PPRC1: variants seen among roughly 807,000 people sequenced by gnomAD.
PPRC1 encodes PPARG related coactivator 1, also known as peroxisome proliferator-activated receptor gamma coactivator-related protein 1.
In PPRC1, 23 loss-of-function variants were observed where a neutral mutation model predicts 132.5. The observed-to-expected ratio is 0.17, with a 90% CI of 0.12 to 0.25. The LOEUF (loss-of-function observed/expected upper bound fraction) is 0.25. Ranked by LOEUF, PPRC1 falls within the 10% of genes least tolerant of loss-of-function variation. The pLI, the probability that PPRC1 is intolerant of heterozygous loss-of-function variation, is 1.00. For synonymous variants in PPRC1, 872 were observed against 833.5 expected (o/e 1.05, Z -0.80); for missense variants, 2,006 against 2,089.1 (o/e 0.96, Z 0.78).
Position 102,141,326 on chromosome 10 carries a change from C to G in PPRC1, c.2818C>G (p.Pro940Ala), listed in dbSNP as rs767991832. 23 of 1,613,986 alleles carry G rather than the reference C, an allele frequency of 1.4e-5. 1 individual carries two copies. The Middle Eastern group carries it at 1.2e-3, about 81-fold the overall frequency. Residue 940 changes from proline (P) to alanine (A), a missense_variant, in exon 5 of 14, where the codon CCA becomes GCA. Coordinates refer to ENST00000278070, the MANE Select transcript of PPRC1 (RefSeq NM_015062.5). ...SPSGYPCLPP[P>A]PTVPLVSGTP... ...TTCTGGCTATCCTTGCCTGCCCCCC[C>G]CACCAACGGTGCCCCTAGTGTCTGG...
rs1277123902 is a variant in PPRC1, at chr10:102,141,984, A to G, written c.3476A>G (p.Gln1159Arg). 1 of 1,611,504 alleles carries G rather than the reference A, an allele frequency of 6.2e-7. No individual in the cohort carries two copies. The highest frequency in any genetic ancestry group is 8.5e-7 in the Non-Finnish European group (1 of 1,178,370). The change falls in exon 5 of 14, where the codon CAG becomes CGG. Residue 1159 changes from glutamine (Q) to arginine (R), a missense_variant. This residue lies in a region of PPRC1 where 1,914 missense variants were observed against 1,917.2 expected (regional missense o/e 1.00). Coordinates refer to ENST00000278070, the MANE Select transcript of PPRC1 (RefSeq NM_015062.5). ...PRTQGSEDVV[Q>R]AFISEIGIEA... ...ACTCAGGGTTCTGAAGATGTGGTAC[A>G]GGCTTTCATCAGTGAGATTGGTGAG...
chr10:102,123,881 C>T, the PPRC1 span, among the ~76,000 whole-genome samples: 1 of 128,330 alleles, frequency 7.8e-6, no homozygotes, highest in South Asian at 2.6e-4. Context: ...GCTCTTGTTG[C>T]CCAGGCTGGA....
chr10:102,121,410 G>T, the PPRC1 span, among the ~76,000 whole-genome samples: 1 of 152,160 alleles, frequency 6.6e-6, no homozygotes, highest in Non-Finnish European at 1.5e-5. Context: ...GGCAGAGGCT[G>T]TGGGCCGTGG....
At chr10:102,137,663 A>G (rs1251482003) in intron 1 of PPRC1, among the ~76,000 whole-genome samples, 187 bp from the exon 2 acceptor site, 2 of 152,016 alleles carry the variant, frequency 1.3e-5, no homozygotes, top group African/African-American at 4.8e-5. Flanking sequence ...GTCCCTGAAA[A>G]CTGCCATCCT....
chr10:102,123,898 T>C, the PPRC1 span, among the ~76,000 whole-genome samples: 2 of 135,710 alleles, frequency 1.5e-5, no homozygotes, highest in Non-Finnish European at 3.1e-5. Context: ...TGGAGTGCAA[T>C]GGCGCAATTT....
chr10:102,148,909 G>A lies in PPRC1; in HGVS notation c.4710G>A (p.Glu1570=). The A allele has an allele frequency of 1.2e-6, 2 of 1,614,228 alleles. No homozygotes were observed. Among genetic ancestry groups the A allele is most frequent in the East Asian group, 2.2e-5 (1 of 44,886 alleles). ...GGTTCTCCGTTTTTGGAGAGATTGA[G>A]GAGTGCACCATCCACTTCCGTGTCC... is the stretch of plus-strand genomic sequence containing the variant. The part of the protein sequence containing the change: ...KQRFSVFGEI[E]ECTIHFRVQG... The change falls in exon 12 of 14, where the codon GAG becomes GAA. Residue 1570 remains glutamate, a synonymous_variant. Coordinates refer to ENST00000278070, the MANE Select transcript of PPRC1 (RefSeq NM_015062.5). The surrounding 1 kb of genome is among the most constrained non-coding windows in gnomAD (Gnocchi z 4.2).
chr10:102,135,727 G>A (rs1564930364), intron 1 of PPRC1, among the ~76,000 whole-genome samples: 1 of 152,202 alleles, frequency 6.6e-6, no homozygotes, highest in Non-Finnish European at 1.5e-5. Context: ...GCAGTAAAAT[G>A]CCATTGAAGG....
rs2068578599 is a variant in PPRC1 at position 102,133,075 on chromosome 10, GCGCGCCGGGGACGGAGAGACGGAGT to G, written c.15_39del (p.Gly6ProfsTer33). On this transcript the variant is annotated frameshift_variant, in exon 1 of 14. Coordinates refer to ENST00000278070, the MANE Select transcript of PPRC1 (RefSeq NM_015062.5). LOFTEE classifies it high-confidence loss of function. ...TGGGTGTTCAGGGGCCAAGATGGCG[GCGCGCCGGGGACGGAGAGACGGAGT>G]CGCGCCGCCCCCGAGTGGGGGCCCC... 8.1e-6 allele frequency: 10 copies of G among 1,242,084 alleles called. No individual in the cohort carries two copies. Among genetic ancestry groups the G allele is most frequent in the South Asian group, 4.1e-5 (1 of 24,370 alleles). 76.9% of individuals were successfully genotyped at this position (1,242,084 alleles called of 1,614,324 possible).
Position 102,138,981 on chromosome 10 carries a change from GT to G in PPRC1, c.591+2del. 6.2e-7 allele frequency: 1 copy of G among 1,612,786 alleles called. No homozygotes were observed. The highest frequency in any genetic ancestry group is 2.2e-5 in the East Asian group (1 of 44,886). ...TACAGGCAGCAGTAGAGGGAGTGGGGTAAGCCTGACCTAGAGGGTTTCAGAA... is the reference window on the plus strand; with the variant it reads ...TACAGGCAGCAGTAGAGGGAGTGGGGAAGCCTGACCTAGAGGGTTTCAGAA... On this transcript the variant is annotated splice_donor_variant, in intron 4 of 13. Transcript: ENST00000278070. LOFTEE classifies it high-confidence loss of function.
Position 102,138,003 on chromosome 10 carries a change from A to T in PPRC1, c.307A>T (p.Ile103Phe). The change falls in exon 2 of 14, where the codon ATC becomes TTC. Residue 103 changes from isoleucine to phenylalanine, a missense_variant. By Grantham distance (21) the Ile-to-Phe change is conservative. Coordinates refer to ENST00000278070, the MANE Select transcript of PPRC1 (RefSeq NM_015062.5). ...TMQSYMDASLISLIEDFGSLG... is the reference protein window; with the variant it reads ...TMQSYMDASLFSLIEDFGSLG... ...GCAGAGCTACATGGATGCCTCCCTT[A>T]TCTCCCTCATTGAGGATTTTGGGAG... is the stretch of plus-strand genomic sequence containing the variant. 1 of 1,613,940 alleles carries T rather than the reference A, an allele frequency of 6.2e-7. No individual in the cohort carries two copies. The highest frequency in any genetic ancestry group is 1.1e-5 in the South Asian group (1 of 91,064).
chr10:102,131,041 A>T (rs2068531576), upstream of PPRC1, among the ~76,000 whole-genome samples: 1 of 150,988 alleles, frequency 6.6e-6, no homozygotes. Flanking sequence ...AAATACAAAA[A>T]CAAATTAGCT....
intron 7 of PPRC1, 151 bp downstream of exon 7, chr10:102,144,458 C>T: frequency 2.8e-6 from 2 of 711,130 alleles, no homozygotes; most frequent in East Asian, 5.4e-5. Flanking sequence ...CTCTGCCTAT[C>T]ACTACCGGGC....
At position 102,140,240 on chromosome 10, in the gene PPRC1, G is replaced by A. The variant is rs1247666169; in HGVS notation, c.1732G>A (p.Asp578Asn). ...TATACCAACCCATCTCTCATTGGTC[G>A]ACTCTGCCCAAGCCAGCCCCATGCC... ...NPIPTHLSLV[D>N]SAQASPMPVD... is the part of the protein sequence containing the mutation. Residue 578 changes from aspartate to asparagine, a missense_variant, in exon 5 of 14, where the codon GAC becomes AAC. Around this residue, in one of 2 missense-constraint regions of PPRC1, gnomAD observed 1,914 missense variants for 1,917.2 expected, o/e 1.00. Transcript: ENST00000278070. 27 of 1,614,184 alleles carry A rather than the reference G, an allele frequency of 1.7e-5. 1 individual carries two copies. The East Asian group carries it at 5.1e-4, about 31-fold the overall frequency.
intron 1 of PPRC1, among the ~76,000 whole-genome samples, chr10:102,135,083 C>T (rs997389380): frequency 1.3e-5 from 2 of 152,200 alleles, no homozygotes; most frequent in African/African-American, 2.4e-5. Flanking sequence ...ATGTTTTAAT[C>T]AGGATAGACC....
At chr10:102,122,398 T>C in the PPRC1 span, among the ~76,000 whole-genome samples, 50 of 151,876 alleles carry the variant, frequency 3.3e-4, no homozygotes, top group African/African-American at 1.0e-3. Flanking sequence ...AACTAGACAA[T>C]GTACACCCAG....
In PPRC1 at chr10:102,144,535, C is replaced by A; in HGVS notation, c.3608+228C>A. On this transcript the variant is annotated intron_variant, in intron 7 of 13. Transcript: ENST00000278070. ...CCCTCCAGCTGATTCCAGTCGGGCT[C>A]CAAATGTCCTAGAGGTGCCTTTTAT... 6.9e-6 allele frequency: 4 copies of A among 578,656 alleles called. No individual in the cohort carries two copies. The South Asian group carries it at 8.3e-5, about 12-fold the overall frequency. The allele number at this position is 578,656 out of a possible 1,614,324, so 35.8% of individuals were successfully genotyped here. A position where few individuals can be genotyped will look rare whatever the true frequency, so the allele number is the denominator to read the frequency against.
chr10:102,135,642 G>A (rs190429849), intron 1 of PPRC1, among the ~76,000 whole-genome samples: 214 of 152,308 alleles, frequency 1.4e-3, no homozygotes, highest in African/African-American at 4.7e-3. Flanking sequence ...GCCTCCCAAA[G>A]TGCTGGGATT....
chr10:102,129,786 G>C (rs1031515781), upstream of PPRC1, among the ~76,000 whole-genome samples: 3 of 152,016 alleles, frequency 2.0e-5, no homozygotes, highest in African/African-American at 7.2e-5. Flanking sequence ...TGTATTTTTA[G>C]TAGAGACAGG....
rs778843345 is a variant in PPRC1 at position 102,140,219 on chromosome 10, C to T, written c.1711C>T (p.Pro571Ser). 1.7e-5 allele frequency: 27 copies of T among 1,614,138 alleles called. No individual in the cohort carries two copies. Among genetic ancestry groups the T allele is most frequent in the Non-Finnish European group, 2.2e-5 (26 of 1,180,052 alleles). Residue 571 changes from proline to serine, a missense_variant, in exon 5 of 14, where the codon CCA (proline) becomes TCA (serine). This residue lies in a region of PPRC1 where 1,914 missense variants were observed against 1,917.2 expected (regional missense o/e 1.00). Coordinates refer to ENST00000278070, the MANE Select transcript of PPRC1 (RefSeq NM_015062.5). ...LADTIQTNPI[P>S]THLSLVDSAQ... Reference sequence around the variant, plus strand: ...TGACACTATCCAAACCAATCCTATACCAACCCATCTCTCATTGGTCGACTC... The same window carrying T: ...TGACACTATCCAAACCAATCCTATATCAACCCATCTCTCATTGGTCGACTC...
Sources: allele counts gnomAD v4.1 joint callset (sites outside exome capture counted in the v4.1 genomes callset), GRCh38; gene constraint gnomAD v4.1.1; regional missense constraint gnomAD v4.1.1; non-coding constraint Gnocchi (gnomAD v3.1); transcripts MANE v1.5; gene names NCBI Gene and HGNC (gene_info 2026-07-23, HGNC 2026-07-21).